SLC71A1: variants seen among roughly 807,000 people sequenced by gnomAD.
The protein encoded by SLC71A1 is solute carrier family 71 member 1.
At chr1:100,056,984 G>C in the SLC71A1 span, among the ~76,000 whole-genome samples, 1 of 152,176 alleles carries the variant, frequency 6.6e-6, no homozygotes. Context: ...TGTCTATTCA[G>C]ATCTTTTGCC....
chr1:100,050,287 G>A, the SLC71A1 span, among the ~76,000 whole-genome samples: 783 of 152,196 alleles, frequency 5.1e-3, 2 homozygotes, highest in Non-Finnish European at 9.5e-3. Flanking sequence ...TTCTTAAACC[G>A]ACAGGTTTAG....
the SLC71A1 span, among the ~76,000 whole-genome samples, chr1:100,047,920 T>C: frequency 6.6e-6 from 1 of 152,322 alleles, no homozygotes; most frequent in East Asian, 1.9e-4. Context: ...AGAAAAGATA[T>C]GGAAAATTCA....
the SLC71A1 span, among the ~76,000 whole-genome samples, chr1:100,044,511 A>ATTTTTTT: frequency 1.9e-5 from 2 of 103,148 alleles, no homozygotes; most frequent in Admixed American, 1.1e-4. Context: ...TACTCTGCTG[A>ATTTTTTT]TTTTTTTTTT....
At chr1:100,047,631 A>T in the SLC71A1 span, among the ~76,000 whole-genome samples, 2 of 152,186 alleles carry the variant, frequency 1.3e-5, no homozygotes, top group African/African-American at 4.8e-5. Flanking sequence ...CATGTTGGTC[A>T]GGCTGGTCTT....
chr1:100,081,940 G>A, the SLC71A1 span: 2 of 1,245,728 alleles, frequency 1.6e-6, no homozygotes, highest in East Asian at 2.3e-5. Flanking sequence ...TAAAAGGTAT[G>A]TAGTTTCTCC....
the SLC71A1 span, among the ~76,000 whole-genome samples, chr1:100,052,676 C>T: frequency 4.0e-3 from 606 of 151,978 alleles, 7 homozygotes; most frequent in East Asian, 0.012. Flanking sequence ...GTGATCCGCC[C>T]GCCTTGGCCT....
At chr1:100,059,139 T>C in the SLC71A1 span, among the ~76,000 whole-genome samples, 1 of 146,526 alleles carries the variant, frequency 6.8e-6, no homozygotes, top group Non-Finnish European at 1.5e-5. Context: ...CTCTTTCTTT[T>C]TCGTGTTTTT....
the SLC71A1 span, chr1:100,058,638 G>A: frequency 2.9e-5 from 35 of 1,223,460 alleles, no homozygotes; most frequent in Middle Eastern, 3.8e-4. Context: ...TATAGCATGT[G>A]ATTTTTATTT....
chr1:100,050,444 C>A, the SLC71A1 span, among the ~76,000 whole-genome samples: 1 of 152,126 alleles, frequency 6.6e-6, no homozygotes, highest in African/African-American at 2.4e-5. Flanking sequence ...TGATTTTACC[C>A]AAATTCTCCC....
At chr1:100,059,039 A>T in the SLC71A1 span, among the ~76,000 whole-genome samples, 1 of 151,712 alleles carries the variant, frequency 6.6e-6, no homozygotes, top group Admixed American at 6.6e-5. Flanking sequence ...AAGACTACAG[A>T]TTGAAGAGGA....
chr1:100,064,421 G>A, the SLC71A1 span, among the ~76,000 whole-genome samples: 2 of 152,016 alleles, frequency 1.3e-5, no homozygotes, highest in African/African-American at 4.8e-5. Flanking sequence ...GAGCCATGGC[G>A]CCTGGCCCCC....
the SLC71A1 span, among the ~76,000 whole-genome samples, chr1:100,046,351 C>T: frequency 4.0e-5 from 6 of 149,964 alleles, no homozygotes; most frequent in African/African-American, 9.8e-5. Flanking sequence ...CTCAGTTTCC[C>T]GAGGAACTGG....
At chr1:100,068,119 C>T in the SLC71A1 span, 1 of 1,614,196 alleles carries the variant, frequency 6.2e-7, no homozygotes, top group Non-Finnish European at 8.5e-7. Context: ...GTTGCTGTGC[C>T]AGAGTCGTTG....
At chr1:100,067,073 C>T in the SLC71A1 span, among the ~76,000 whole-genome samples, 5 of 151,488 alleles carry the variant, frequency 3.3e-5, no homozygotes, top group African/African-American at 7.3e-5. Context: ...TCTGGCTTCA[C>T]GCAGTCCTCC....
At chr1:100,082,020 C>T in the SLC71A1 span, 3 of 1,612,558 alleles carry the variant, frequency 1.9e-6, no homozygotes, top group Non-Finnish European at 2.5e-6. Context: ...TCATCCCTGG[C>T]CCTCCCTTCC....
At chr1:100,079,431 A>G in the SLC71A1 span, 1 of 151,920 alleles carries the variant, frequency 6.6e-6, no homozygotes, top group African/African-American at 2.4e-5. Flanking sequence ...TTTGAAAAGG[A>G]TATGTTTTGT....
the SLC71A1 span, among the ~76,000 whole-genome samples, chr1:100,049,477 T>C: frequency 0.013 from 2,040 of 152,280 alleles, 18 homozygotes; most frequent in Middle Eastern, 0.058. Flanking sequence ...ACCTGTAGCT[T>C]GTCTTTCAAT....
the SLC71A1 span, chr1:100,077,283 T>C: frequency 3.0e-5 from 40 of 1,337,446 alleles, no homozygotes; most frequent in Non-Finnish European, 4.1e-5. Context: ...CCTTGGTAAG[T>C]ATAAATATTT....
chr1:100,073,196 T>C, the SLC71A1 span, among the ~76,000 whole-genome samples: 2 of 152,254 alleles, frequency 1.3e-5, no homozygotes, highest in Non-Finnish European at 2.9e-5. Context: ...GTTTCTGATA[T>C]TCTCCATTAG....
Sources: gnomAD v4.1 joint callset for allele counts (sites outside exome capture counted in the v4.1 genomes callset) on GRCh38, gnomAD v4.1.1 for gene constraint, MANE v1.5 for transcripts, NCBI Gene and HGNC (gene_info 2026-07-23, HGNC 2026-07-21) for gene names.